The following BABAM2 variants were observed in gnomAD, a reference collection of about 807,000 sequenced individuals.
BABAM2 encodes BRISC and BRCA1-A complex member 2.
Under a neutral mutation model 54.7 loss-of-function variants are expected in BABAM2, and 31 were observed. The ratio of observed to expected loss-of-function variants is 0.57; its 90% CI spans 0.43 to 0.77. The LOEUF is 0.77. Ranked by LOEUF, BABAM2 falls within the 30% of genes least tolerant of loss-of-function variation. The pLI, the probability that BABAM2 is intolerant of heterozygous loss-of-function variation, is 0.00. For missense variants in BABAM2, 364 were observed against 455.8 expected, an observed-to-expected ratio of 0.80 and a Z score of 1.83; for synonymous variants, 167 against 162.9, an observed-to-expected ratio of 1.03 and a Z score of -0.19.
chr2:28,110,267 T>C (rs1667885072), intron 6 of BABAM2, among the ~76,000 whole-genome samples: 1 of 152,214 alleles, frequency 6.6e-6, no homozygotes, highest in Non-Finnish European at 1.5e-5. Context: ...TGCTTTTCCA[T>C]TCATCTGTTG....
At chr2:27,936,478 G>T (rs1481698710) in intron 3 of BABAM2, among the ~76,000 whole-genome samples, 1 of 152,126 alleles carries the variant, frequency 6.6e-6, no homozygotes, top group Non-Finnish European at 1.5e-5. Context: ...AAATCATGCT[G>T]CTATAAAGAC....
intron 7 of BABAM2, among the ~76,000 whole-genome samples, chr2:28,180,191 G>A (rs1675464605): frequency 6.6e-6 from 1 of 151,860 alleles, no homozygotes; most frequent in Non-Finnish European, 1.5e-5. Context: ...AAAGCTGAAG[G>A]CATCACACTA....
At chr2:27,904,766 A>G (rs1337703219) in intron 2 of BABAM2, among the ~76,000 whole-genome samples, 1 of 152,250 alleles carries the variant, frequency 6.6e-6, no homozygotes, top group African/African-American at 2.4e-5. Flanking sequence ...CCAAATTATC[A>G]ATCAAATTTA....
chr2:28,200,020 A>C (rs572440680), intron 7 of BABAM2, among the ~76,000 whole-genome samples: 13 of 152,200 alleles, frequency 8.5e-5, no homozygotes, highest in Non-Finnish European at 1.6e-4. Flanking sequence ...CTTTTCTACT[A>C]AATGTGTGAA....
At chr2:28,075,720 A>G (rs1664603833) in intron 6 of BABAM2, among the ~76,000 whole-genome samples, 1 of 152,198 alleles carries the variant, frequency 6.6e-6, no homozygotes, top group African/African-American at 2.4e-5. Context: ...AGTATTTGCT[A>G]CTTATATGTC....
intron 7 of BABAM2, among the ~76,000 whole-genome samples, chr2:28,160,031 G>A (rs1307468847): frequency 1.3e-5 from 2 of 152,174 alleles, no homozygotes; most frequent in Non-Finnish European, 2.9e-5. Context: ...ACCCAGGCTA[G>A]AGTGCAATGG....
intron 4 of BABAM2, chr2:28,015,877 C>T (rs547059530): frequency 3.2e-5 from 20 of 625,864 alleles, no homozygotes; most frequent in Non-Finnish European, 4.1e-5. Flanking sequence ...CTTTTTTGCT[C>T]GTACCTCCTC....
At chr2:27,914,881 A>G (rs1666852905) in intron 2 of BABAM2, among the ~76,000 whole-genome samples, 1 of 147,876 alleles carries the variant, frequency 6.8e-6, no homozygotes, top group Admixed American at 6.6e-5. Flanking sequence ...AAAATTTCTT[A>G]TTATGTGTCA....
intron 2 of BABAM2, among the ~76,000 whole-genome samples, chr2:27,901,601 T>C (rs528361110): frequency 6.6e-6 from 1 of 152,350 alleles, no homozygotes; most frequent in East Asian, 1.9e-4. Flanking sequence ...TGAAGACTGA[T>C]CTCAGTTTGG....
chr2:28,084,509 C>CT (rs1441570329), intron 6 of BABAM2, among the ~76,000 whole-genome samples: 1 of 152,062 alleles, frequency 6.6e-6, no homozygotes, highest in Non-Finnish European at 1.5e-5. Flanking sequence ...TTACTTTCCT[C>CT]TTTTCTAGGG....
At chr2:28,086,718 T>G (rs767920080) in intron 6 of BABAM2, among the ~76,000 whole-genome samples, 3 of 152,230 alleles carry the variant, frequency 2.0e-5, no homozygotes, top group African/African-American at 7.2e-5. Flanking sequence ...TAAGATGCAC[T>G]TTTCCTTCCC....
intron 4 of BABAM2, among the ~76,000 whole-genome samples, chr2:28,015,532 T>C (rs1205457436): frequency 3.3e-5 from 5 of 152,126 alleles, no homozygotes; most frequent in Non-Finnish European, 5.9e-5. Context: ...ACCAGAGTTA[T>C]CAAGCACTGG....
At chr2:28,224,849 G>GAAAAAAAAAAAAAAAAAAAAAAAAAA (rs1406843262) in intron 7 of BABAM2, among the ~76,000 whole-genome samples, 1 of 60,372 alleles carries the variant, frequency 1.7e-5, no homozygotes. Flanking sequence ...ACGGTAAATT[G>GAAAAAAAAAAAAAAAAAAAAAAAAAA]ACAAAAAAAA....
chr2:28,034,965 G>A (rs1416030242), intron 5 of BABAM2, among the ~76,000 whole-genome samples: 1 of 152,096 alleles, frequency 6.6e-6, no homozygotes, highest in Non-Finnish European at 1.5e-5. Flanking sequence ...GTCCAATACA[G>A]GAGCTTCTAG....
At chr2:27,893,855 G>A (rs1317017855) in intron 1 of BABAM2, among the ~76,000 whole-genome samples, 2 of 151,954 alleles carry the variant, frequency 1.3e-5, no homozygotes, top group South Asian at 2.1e-4. Context: ...TTAGCTGGGC[G>A]TGGTGGCATG....
intron 2 of BABAM2, among the ~76,000 whole-genome samples, chr2:27,909,495 C>T (rs1337100233): frequency 6.6e-6 from 1 of 152,012 alleles, no homozygotes; most frequent in Non-Finnish European, 1.5e-5. Context: ...TGCAAGTATC[C>T]CATCCCATTC....
intron 2 of BABAM2, among the ~76,000 whole-genome samples, chr2:27,925,799 A>G (rs186324626): frequency 1.3e-5 from 2 of 152,252 alleles, no homozygotes; most frequent in Admixed American, 1.3e-4. Context: ...TTCCAGCGCC[A>G]TTCTTGCTCT....
intron 6 of BABAM2, among the ~76,000 whole-genome samples, chr2:28,104,500 C>T (rs1313843880): frequency 1.5e-4 from 23 of 152,162 alleles, no homozygotes; most frequent in Admixed American, 5.9e-4. Flanking sequence ...TACCATCTCA[C>T]GCCAGTTAGA....
At chr2:28,038,811 T>C (rs1676859744) in intron 5 of BABAM2, among the ~76,000 whole-genome samples, 1 of 152,218 alleles carries the variant, frequency 6.6e-6, no homozygotes, top group African/African-American at 2.4e-5. Context: ...AGTTTCCATG[T>C]CTTTGTTATT....
Sources: allele counts gnomAD v4.1 joint callset (sites outside exome capture counted in the v4.1 genomes callset), GRCh38; gene constraint gnomAD v4.1.1; transcripts MANE v1.5; gene names NCBI Gene and HGNC (gene_info 2026-07-23, HGNC 2026-07-21).